NEO1: variants seen among roughly 807,000 people sequenced by gnomAD.
The protein encoded by NEO1 is neogenin 1, also known as neogenin.
NEO1 carries 63 observed loss-of-function variants against 159.7 expected under a neutral mutation model. That is an observed-to-expected ratio of 0.39 (90% CI 0.32 to 0.49). NEO1 has a LOEUF of 0.49. NEO1 is among the 20% of genes least tolerant of loss of function. The pLI is 0.85. For synonymous variants in NEO1, 633 were observed against 662.0 expected (o/e 0.96, Z 0.67); for missense variants, 1,615 against 1,831.0 (o/e 0.88, Z 2.15).
At chr15:73,149,672 A>G (rs548241628) in intron 5 of NEO1, among the ~76,000 whole-genome samples, 11 of 152,378 alleles carry the variant, frequency 7.2e-5, no homozygotes, top group Admixed American at 2.0e-4. Context: ...ACATCACATT[A>G]TGAATTAGAA....
intron 7 of NEO1, among the ~76,000 whole-genome samples, chr15:73,196,749 C>T (rs528214677): frequency 6.6e-6 from 1 of 152,336 alleles, no homozygotes; most frequent in East Asian, 1.9e-4. Context: ...GCTGAGACTG[C>T]TGGCAAATCC....
chr15:73,159,302 C>A (rs905805129), intron 5 of NEO1, among the ~76,000 whole-genome samples: 2 of 152,046 alleles, frequency 1.3e-5, no homozygotes, highest in African/African-American at 4.8e-5. Flanking sequence ...CATTTTGTTT[C>A]ATTGTCTCCT....
chr15:73,236,219 T>C, intron 7 of NEO1, 128 bp from the exon 8 acceptor site: 1 of 1,314,972 alleles, frequency 7.6e-7, no homozygotes, highest in Non-Finnish European at 1.1e-6. Context: ...TTTTTTGTTT[T>C]TTCTGTTCTC....
chr15:73,077,205 G>GCATCCA, intron 1 of NEO1, among the ~76,000 whole-genome samples: 1 of 152,020 alleles, frequency 6.6e-6, no homozygotes, highest in Non-Finnish European at 1.5e-5. Flanking sequence ...CACCACGCCT[G>GCATCCA]GCTAATTTTT....
intron 27 of NEO1, 57 bp downstream of exon 27, chr15:73,298,668 C>G: frequency 6.3e-7 from 1 of 1,597,858 alleles, no homozygotes; most frequent in Non-Finnish European, 8.6e-7. Context: ...CCCTTTGGCT[C>G]AAGCTTGGGA....
chr15:73,256,961 T>A (rs1467740890), intron 13 of NEO1, among the ~76,000 whole-genome samples: 1 of 149,628 alleles, frequency 6.7e-6, no homozygotes, highest in South Asian at 2.1e-4. Context: ...AAGCAGAGGC[T>A]GAAAAAAAAA....
chr15:73,173,228 CATAAG>C (rs1033141862), intron 5 of NEO1, among the ~76,000 whole-genome samples: 5 of 152,046 alleles, frequency 3.3e-5, no homozygotes, highest in Admixed American at 2.0e-4. Context: ...ACAAACTTAA[CATAAG>C]ATGAGTCTAA....
rs985027467 is a variant in NEO1 at position 73,112,920 on chromosome 15, A to G, written c.131-3620A>G. On this transcript the variant is annotated intron_variant, in intron 1 of 28. Coordinates refer to ENST00000261908, the MANE Select transcript of NEO1 (RefSeq NM_002499.4). ...AGTAGGCATCTCATTTTTTTCCCAT[A>G]TGGATAACCAGTTGTCCTAGTAACA... Among the ~76,000 whole-genome samples, 17 of 152,246 alleles carry G rather than the reference A, an allele frequency of 1.1e-4. 1 individual carries two copies. Among genetic ancestry groups the G allele is most frequent in the African/African-American group, 3.9e-4 (16 of 41,544 alleles).
intron 5 of NEO1, among the ~76,000 whole-genome samples, chr15:73,154,873 C>G (rs1359446453): frequency 6.6e-6 from 1 of 152,090 alleles, no homozygotes; most frequent in Non-Finnish European, 1.5e-5. Flanking sequence ...AGGTTTTGAT[C>G]CTGTTACATT....
At chr15:73,102,098 G>T (rs1241195470) in intron 1 of NEO1, among the ~76,000 whole-genome samples, 1 of 152,148 alleles carries the variant, frequency 6.6e-6, no homozygotes, top group East Asian at 1.9e-4. Flanking sequence ...TCCAGGTGCG[G>T]TGATTCATGC....
chr15:73,213,072 C>G (rs116919953), intron 7 of NEO1, among the ~76,000 whole-genome samples: 1,644 of 152,212 alleles, frequency 0.011, 21 homozygotes, highest in East Asian at 0.049. Flanking sequence ...ACTTTGTATA[C>G]TTCTGTACCA....
intron 7 of NEO1, among the ~76,000 whole-genome samples, chr15:73,232,224 C>T (rs897950086): frequency 6.6e-6 from 1 of 152,160 alleles, no homozygotes; most frequent in African/African-American, 2.4e-5. Flanking sequence ...TGTTTAATAA[C>T]TTGCCTGTAC....
chr15:73,191,499 A>C lies in NEO1; in HGVS notation c.1291+13072A>C, dbSNP rs990073591. Among the ~76,000 whole-genome samples, 4 of 123,584 alleles carry C rather than the reference A, an allele frequency of 3.2e-5. 1 individual carries two copies. The highest frequency in any genetic ancestry group is 3.8e-5 in the Non-Finnish European group (2 of 52,978). The allele number at this position is 123,584 out of a possible 152,430, so 81.1% of individuals were successfully genotyped here. On this transcript the variant is annotated intron_variant, in intron 7 of 28. Coordinates refer to ENST00000261908, the MANE Select transcript of NEO1 (RefSeq NM_002499.4). ...TTTAGGATAATAGTAACTTTAGGAT[A>C]ATAGTAACTTTAGGATAATAGTAAT...
intron 1 of NEO1, among the ~76,000 whole-genome samples, chr15:73,076,671 C>T (rs1221011075): frequency 6.6e-6 from 1 of 152,112 alleles, no homozygotes; most frequent in African/African-American, 2.4e-5. Flanking sequence ...AGCATGTTCT[C>T]CCCACCCACC....
At chr15:73,130,008 T>C (rs985673738) in intron 4 of NEO1, among the ~76,000 whole-genome samples, 11 of 152,182 alleles carry the variant, frequency 7.2e-5, no homozygotes, top group African/African-American at 2.7e-4. Flanking sequence ...CTTTTTTTTC[T>C]TTCTTGAGAC....
At chr15:73,179,260 G>A (rs1202332399) in intron 7 of NEO1, among the ~76,000 whole-genome samples, 1 of 152,156 alleles carries the variant, frequency 6.6e-6, no homozygotes. Context: ...GCAACTATCA[G>A]GAGCAACTAC....
intron 7 of NEO1, among the ~76,000 whole-genome samples, chr15:73,184,650 A>G (rs1293241663): frequency 6.6e-6 from 1 of 152,228 alleles, no homozygotes; most frequent in Non-Finnish European, 1.5e-5. Flanking sequence ...CTACCAGGCC[A>G]GGTGCCGTGG....
chr15:73,243,782 G>A (rs1293509570), intron 8 of NEO1, among the ~76,000 whole-genome samples: 1 of 152,142 alleles, frequency 6.6e-6, no homozygotes, highest in African/African-American at 2.4e-5. Flanking sequence ...TTAATTTTAA[G>A]AAATTATAAA....
intron 23 of NEO1, among the ~76,000 whole-genome samples, chr15:73,283,535 G>A (rs2041817110): frequency 6.6e-6 from 1 of 152,220 alleles, no homozygotes; most frequent in African/African-American, 2.4e-5. Flanking sequence ...CCAGCGGGCA[G>A]TGGCAGGAAA....
Sources: gnomAD v4.1 joint callset for allele counts (sites outside exome capture counted in the v4.1 genomes callset) on GRCh38, gnomAD v4.1.1 for gene constraint, MANE v1.5 for transcripts, NCBI Gene and HGNC (gene_info 2026-07-23, HGNC 2026-07-21) for gene names.